The following LRP2 variants were observed in gnomAD, a reference collection of about 807,000 sequenced individuals.
LRP2 encodes low-density lipoprotein receptor-related protein 2.
In LRP2, 172 loss-of-function variants were observed where a neutral mutation model predicts 531.0. That is an observed-to-expected ratio of 0.32 (90% CI 0.29 to 0.37). The LOEUF is 0.37. LRP2 is among the 10% of genes least tolerant of loss of function. The pLI is 1.00. For missense variants in LRP2, 5,167 were observed against 5,868.3 expected, an observed-to-expected ratio of 0.88 and a Z score of 3.90; for synonymous variants, 1,992 against 2,027.6, an observed-to-expected ratio of 0.98 and a Z score of 0.47.
chr2:169,137,599 C>T (rs1334328898), intron 75 of LRP2, 106 bp from the exon 76 acceptor site: 1 of 730,292 alleles, frequency 1.4e-6, no homozygotes, highest in Non-Finnish European at 2.5e-6. Context: ...CTTCCTCACA[C>T]CTGGAGGTAC....
chr2:169,304,612 C>A (rs760021038), intron 4 of LRP2, among the ~76,000 whole-genome samples: 26 of 152,050 alleles, frequency 1.7e-4, no homozygotes, highest in Non-Finnish European at 3.5e-4. Flanking sequence ...ATCTTTGACC[C>A]CTAAACTTGC....
intron 9 of LRP2, among the ~76,000 whole-genome samples, chr2:169,284,310 G>T (rs1683788975): frequency 8.6e-6 from 1 of 116,932 alleles, no homozygotes; most frequent in Admixed American, 1.3e-4. Flanking sequence ...TGTTGCCCAG[G>T]CTGGAGTGCA....
intron 4 of LRP2, among the ~76,000 whole-genome samples, 166 bp downstream of exon 4, chr2:169,307,115 T>A (rs1684440585): frequency 6.6e-6 from 1 of 152,192 alleles, no homozygotes; most frequent in Admixed American, 6.5e-5. Flanking sequence ...AAATAGACTC[T>A]TATCAGAACA....
intron 36 of LRP2, 54 bp from the exon 37 acceptor site, chr2:169,212,261 C>T: frequency 6.2e-7 from 1 of 1,612,602 alleles, no homozygotes; most frequent in South Asian, 1.1e-5. Flanking sequence ...CTCGCCACCC[C>T]ATCTCAAATT....
intron 50 of LRP2, 131 bp downstream of exon 50, chr2:169,185,372 A>C: frequency 1.2e-6 from 1 of 827,264 alleles, no homozygotes; most frequent in Non-Finnish European, 1.9e-6. Context: ...AAAGCAGAAA[A>C]TAAACCTGCA....
chr2:169,181,709 T>A, intron 51 of LRP2, 91 bp from the exon 52 acceptor site: 1 of 973,456 alleles, frequency 1.0e-6, no homozygotes, highest in Non-Finnish European at 1.6e-6. Context: ...AGAAATGGAG[T>A]CTGCATTCTG....
chr2:169,156,447 T>A (rs1376040493), intron 64 of LRP2, 42 bp from the exon 65 acceptor site: 3 of 1,611,764 alleles, frequency 1.9e-6, no homozygotes, highest in Non-Finnish European at 2.5e-6. Flanking sequence ...TCTGTTCCCA[T>A]CCATTCCTTA....
At chr2:169,279,318 G>C in intron 12 of LRP2, 54 bp downstream of exon 12, 1 of 1,308,310 alleles carries the variant, frequency 7.6e-7, no homozygotes, top group African/African-American at 1.4e-5. Context: ...AGTGTATAGA[G>C]GGAGAGAGAA....
intron 4 of LRP2, among the ~76,000 whole-genome samples, chr2:169,305,086 T>G (rs969823523): frequency 1.3e-5 from 2 of 151,972 alleles, no homozygotes; most frequent in South Asian, 4.2e-4. Flanking sequence ...TAAAAATAAA[T>G]AGATAAATAA....
At chr2:169,314,733 CT>C (rs1684712510) in intron 3 of LRP2, among the ~76,000 whole-genome samples, 1 of 152,188 alleles carries the variant, frequency 6.6e-6, no homozygotes, top group African/African-American at 2.4e-5. Context: ...AATTTTACTT[CT>C]ATTAATAAAG....
intron 1 of LRP2, among the ~76,000 whole-genome samples, chr2:169,346,775 T>C (rs1391723187): frequency 6.6e-6 from 1 of 152,240 alleles, no homozygotes; most frequent in African/African-American, 2.4e-5. Context: ...CAAGGGTCTC[T>C]TCTCAAACTT....
At chr2:169,325,059 C>CAA (rs5836231) in intron 1 of LRP2, among the ~76,000 whole-genome samples, 5 of 75,764 alleles carry the variant, frequency 6.6e-5, no homozygotes, top group African/African-American at 1.1e-4. Flanking sequence ...AAGTTTTTTT[C>CAA]AAAAAAAAAA....
At chr2:169,271,633 A>T (rs1683418366) in intron 15 of LRP2, 2 of 443,488 alleles carry the variant, frequency 4.5e-6, no homozygotes, top group African/African-American at 4.3e-5. Flanking sequence ...ACACACACAC[A>T]CACACACACA....
chr2:169,287,397 G>A (rs1432630860), intron 9 of LRP2, among the ~76,000 whole-genome samples: 1 of 152,068 alleles, frequency 6.6e-6, no homozygotes, highest in East Asian at 1.9e-4. Context: ...GCAACTTTGG[G>A]ACGTGGTCCT....
intron 29 of LRP2, among the ~76,000 whole-genome samples, chr2:169,234,588 A>G (rs927754116): frequency 2.6e-5 from 4 of 152,162 alleles, no homozygotes; most frequent in Admixed American, 6.5e-5. Flanking sequence ...ATAACATATG[A>G]GTGCATGTGT....
At chr2:169,211,061 C>T (rs1305692047) in intron 37 of LRP2, among the ~76,000 whole-genome samples, 1 of 152,040 alleles carries the variant, frequency 6.6e-6, no homozygotes, top group Non-Finnish European at 1.5e-5. Flanking sequence ...CATATCTGTA[C>T]AAGATGATAA....
chr2:169,283,050 T>C (rs771448082), intron 9 of LRP2, 49 bp from the exon 10 acceptor site: 2 of 1,603,908 alleles, frequency 1.2e-6, no homozygotes, highest in Non-Finnish European at 1.7e-6. Context: ...CAGCATTTAT[T>C]AAGCACTCTC....
At chr2:169,306,128 G>A (rs971683342) in intron 4 of LRP2, among the ~76,000 whole-genome samples, 3 of 151,820 alleles carry the variant, frequency 2.0e-5, no homozygotes, top group South Asian at 4.2e-4. Flanking sequence ...AGGACTGCAC[G>A]AAAAGGCCTG....
chr2:169,310,510 T>C (rs1684563331), intron 3 of LRP2, among the ~76,000 whole-genome samples: 1 of 152,222 alleles, frequency 6.6e-6, no homozygotes. Flanking sequence ...CGCTTATTGA[T>C]TTGCGTATGT....
Sources: allele counts gnomAD v4.1 joint callset (sites outside exome capture counted in the v4.1 genomes callset), GRCh38; gene constraint gnomAD v4.1.1; transcripts MANE v1.5; gene names NCBI Gene and HGNC (gene_info 2026-07-23, HGNC 2026-07-21).